ZFHX3: variants seen among roughly 807,000 people sequenced by gnomAD.
The protein encoded by ZFHX3 is zinc finger homeobox 3, also known as zinc finger homeobox protein 3.
In ZFHX3, 42 loss-of-function variants were observed where a neutral mutation model predicts 279.1. The observed-to-expected ratio is 0.15, with a 90% CI of 0.12 to 0.19. The LOEUF is 0.19. ZFHX3 is among the 10% of genes least tolerant of loss of function. ZFHX3 has a pLI of 1.00. For missense variants in ZFHX3, 4,981 were observed against 4,754.0 expected (o/e 1.05, Z -1.40); for synonymous variants, 2,293 against 1,957.8 (o/e 1.17, Z -4.52).
Position 73,860,388 on chromosome 16 carries a change from CTT to C in ZFHX3, c.-1608+31261_-1608+31262del, listed in dbSNP as rs11284480. Reference sequence around the variant, plus strand: ...GCTTTCCTTGTTTTTCATTCCCTTACTTTTTTTTTTTTTTTGGCAATTTTTCT... The same window carrying C: ...GCTTTCCTTGTTTTTCATTCCCTTACTTTTTTTTTTTTTGGCAATTTTTCT... On this transcript the variant is annotated intron_variant, in intron 1 of 17. Transcript: ENST00000641206. Among the ~76,000 whole-genome samples the C allele has an allele frequency of 7.3e-4, 102 of 139,870 alleles. No homozygotes were observed. In the South Asian group the frequency reaches 0.014, roughly 20 times the overall value. The allele number at this position is 139,870 out of a possible 152,430, so 91.8% of individuals were successfully genotyped here. A position where few individuals can be genotyped will look rare whatever the true frequency, so the allele number is the denominator to read the frequency against.
At chr16:73,600,742 T>C (rs764484145) in intron 2 of ZFHX3, among the ~76,000 whole-genome samples, 2 of 152,108 alleles carry the variant, frequency 1.3e-5, no homozygotes, top group African/African-American at 2.4e-5. Context: ...AATGGCATCA[T>C]GGATCTTTGA....
intron 2 of ZFHX3, among the ~76,000 whole-genome samples, chr16:73,550,210 C>T (rs917799505): frequency 5.9e-5 from 9 of 152,100 alleles, no homozygotes; most frequent in South Asian, 2.1e-4. Context: ...ACCCAGATGA[C>T]GGCTCATTGA....
intron 1 of ZFHX3, among the ~76,000 whole-genome samples, chr16:72,961,140 T>G (rs1675185927): frequency 6.6e-6 from 1 of 152,156 alleles, no homozygotes; most frequent in Non-Finnish European, 1.5e-5. Flanking sequence ...TGGCCCTGGC[T>G]GGAGGGAGTG....
intron 5 of ZFHX3, among the ~76,000 whole-genome samples, chr16:73,220,666 G>A (rs1393525459): frequency 6.6e-6 from 1 of 152,134 alleles, no homozygotes; most frequent in Non-Finnish European, 1.5e-5. Context: ...CTGGTGAAGG[G>A]GGCTAGTGGG....
chr16:73,748,522 G>A (rs559003446), intron 1 of ZFHX3, among the ~76,000 whole-genome samples: 101 of 145,722 alleles, frequency 6.9e-4, no homozygotes, highest in South Asian at 4.1e-3. Flanking sequence ...TGATATAAAT[G>A]CACCTTATCT....
chr16:73,174,799 C>T (rs1967621288), intron 5 of ZFHX3, among the ~76,000 whole-genome samples: 2 of 148,036 alleles, frequency 1.4e-5, no homozygotes, highest in African/African-American at 5.0e-5. Flanking sequence ...GGGTGGATCA[C>T]TTGAGGTCAG....
At chr16:73,025,496 A>T (rs182430620) in intron 1 of ZFHX3, among the ~76,000 whole-genome samples, 158 of 152,364 alleles carry the variant, frequency 1.0e-3, no homozygotes, top group Non-Finnish European at 2.0e-3. Context: ...ATACAGCAGT[A>T]TTGACAGCAC....
intron 4 of ZFHX3, among the ~76,000 whole-genome samples, chr16:72,879,532 T>C (rs2038407271): frequency 6.6e-6 from 1 of 152,152 alleles, no homozygotes. Flanking sequence ...TGCAAGTGAT[T>C]CTCCTGCCTC....
At chr16:73,746,956 A>G (rs528588486) in intron 1 of ZFHX3, among the ~76,000 whole-genome samples, 7 of 152,322 alleles carry the variant, frequency 4.6e-5, no homozygotes, top group Non-Finnish European at 8.8e-5. Context: ...TTGAATTTAA[A>G]TTTTTTATCA....
chr16:73,659,036 G>C (rs920477491), intron 2 of ZFHX3, among the ~76,000 whole-genome samples: 1 of 152,180 alleles, frequency 6.6e-6, no homozygotes, highest in Admixed American at 6.5e-5. Flanking sequence ...TAAGGAGAAA[G>C]AGATGGAGAG....
chr16:73,159,136 A>T (rs1967166855), intron 5 of ZFHX3, among the ~76,000 whole-genome samples: 1 of 152,246 alleles, frequency 6.6e-6, no homozygotes, highest in African/African-American at 2.4e-5. Context: ...AACAGAGTAC[A>T]CAGACAACCT....
At chr16:73,706,722 T>A (rs906257452) in intron 1 of ZFHX3, among the ~76,000 whole-genome samples, 2 of 152,166 alleles carry the variant, frequency 1.3e-5, no homozygotes, top group African/African-American at 4.8e-5. Flanking sequence ...GATGTTTTCT[T>A]TATGAGAAAC....
chr16:73,250,494 A>G (rs916960017), intron 5 of ZFHX3, among the ~76,000 whole-genome samples: 2 of 152,150 alleles, frequency 1.3e-5, no homozygotes, highest in Non-Finnish European at 2.9e-5. Context: ...ATGAATAACC[A>G]TCTAGTTGTC....
intron 8 of ZFHX3, among the ~76,000 whole-genome samples, chr16:72,799,434 C>T (rs1484845259): frequency 6.6e-6 from 1 of 152,188 alleles, no homozygotes; most frequent in Non-Finnish European, 1.5e-5. Flanking sequence ...GAAGGCAGGA[C>T]AGTAGTGTGG....
intron 1 of ZFHX3, among the ~76,000 whole-genome samples, chr16:73,690,205 A>G (rs775874987): frequency 6.6e-6 from 1 of 152,014 alleles, no homozygotes; most frequent in Non-Finnish European, 1.5e-5. Flanking sequence ...GTGGACATAC[A>G]CTATTTAAGA....
At chr16:73,370,939 T>C (rs2016617721) in intron 3 of ZFHX3, among the ~76,000 whole-genome samples, 1 of 152,150 alleles carries the variant, frequency 6.6e-6, no homozygotes, top group African/African-American at 2.4e-5. Flanking sequence ...AGGTGCAAGA[T>C]GCTTGGGAAT....
intron 1 of ZFHX3, among the ~76,000 whole-genome samples, chr16:73,022,624 A>G (rs989933573): frequency 9.2e-5 from 14 of 152,110 alleles, no homozygotes; most frequent in Non-Finnish European, 2.9e-5. Context: ...ATCACCCCCT[A>G]CGGAGAACCG....
chr16:73,812,274 T>A (rs1397717244), intron 1 of ZFHX3, among the ~76,000 whole-genome samples: 1 of 152,172 alleles, frequency 6.6e-6, no homozygotes, highest in Admixed American at 6.5e-5. Flanking sequence ...TGAAAATCTG[T>A]CCTGGAAACA....
chr16:73,097,030 T>C (rs1021812463), intron 7 of ZFHX3, among the ~76,000 whole-genome samples: 2 of 151,890 alleles, frequency 1.3e-5, no homozygotes, highest in African/African-American at 4.8e-5. Flanking sequence ...TCTCTTCTCT[T>C]TCTCTGTCTC....
Sources: gnomAD v4.1 joint callset for allele counts (sites outside exome capture counted in the v4.1 genomes callset) on GRCh38, gnomAD v4.1.1 for gene constraint, MANE v1.5 for transcripts, NCBI Gene and HGNC (gene_info 2026-07-23, HGNC 2026-07-21) for gene names.